RBP3: variants seen among roughly 807,000 people sequenced by gnomAD.
The protein encoded by RBP3 is retinol-binding protein 3.
Under a neutral mutation model 64.8 loss-of-function variants are expected in RBP3, and 50 were observed. The ratio of observed to expected loss-of-function variants is 0.77; its 90% confidence interval spans 0.61 to 0.98. The LOEUF is 0.98. Ranked by LOEUF, RBP3 falls within the 50% of genes least tolerant of loss-of-function variation. RBP3 has a pLI of 0.00. For synonymous variants in RBP3, 828 were observed against 730.2 expected (o/e 1.13, Z -2.16); for missense variants, 1,712 against 1,660.5 (o/e 1.03, Z -0.54).
rs782380036 is a variant in RBP3 at position 47,350,601 on chromosome 10, G to A, written c.2117G>A (p.Gly706Asp). Residue 706 changes from glycine (G) to aspartate (D), a missense_variant, in exon 1 of 4, where the codon GGC (glycine) becomes GAC (aspartate). Gly to Asp is a moderately conservative substitution (Grantham distance 94). Transcript: ENST00000584701. ...DHRLLVFHSP[G>D]ELVVEEAPPP... ...CGCTTGCTAGTGTTCCACAGCCCTGGCGAGCTGGTGGTAGAGGAAGCACCC... is the reference window on the plus strand; with the variant it reads ...CGCTTGCTAGTGTTCCACAGCCCTGACGAGCTGGTGGTAGAGGAAGCACCC... 6 of 1,612,872 alleles carry A rather than the reference G, an allele frequency of 3.7e-6. No individual in the cohort carries two copies. Among genetic ancestry groups the A allele is most frequent in the Non-Finnish European group, 5.1e-6 (6 of 1,180,048 alleles).
In RBP3 at chr10:47,350,140, C is replaced by A. The variant is rs1252102322; in HGVS notation, c.1656C>A (p.Phe552Leu). 6.2e-7 allele frequency: 1 copy of A among 1,612,932 alleles called. No homozygotes were observed. The highest frequency in any genetic ancestry group is 8.5e-7 in the Non-Finnish European group (1 of 1,180,008). The change falls in exon 1 of 4, where the codon TTC becomes TTA. Residue 552 changes from phenylalanine to leucine, a missense_variant. Coordinates refer to ENST00000584701, the MANE Select transcript of RBP3 (RefSeq NM_002900.3). ...GCACCGCCACGGCCGCGGAGGAGTTCGCCTTCCTTATGCAGTCGCTGGGCT... is the reference window on the plus strand; with the variant it reads ...GCACCGCCACGGCCGCGGAGGAGTTAGCCTTCCTTATGCAGTCGCTGGGCT... ...SHRTATAAEE[F>L]AFLMQSLGWA...
chr10:47,351,692 A>T (rs1555211617), intron 1 of RBP3, among the ~76,000 whole-genome samples, 154 bp downstream of exon 1: 1 of 152,168 alleles, frequency 6.6e-6, no homozygotes, highest in Non-Finnish European at 1.5e-5. Context: ...CCTCTTTCTC[A>T]ACCTGTTCCA....
At position 47,349,190 on chromosome 10, in the gene RBP3, A is replaced by G. The variant is rs782778044; in HGVS notation, c.706A>G (p.Arg236Gly). ...GGTGGTCCTCACCAGCAGCCAGACC[A>G]GGGGCGTGGCCGAGGACATCGCGCA... ...DVVVLTSSQT[R>G]GVAEDIAHIL... The change falls in exon 1 of 4, where the codon AGG becomes GGG. Residue 236 changes from arginine (R) to glycine (G), a missense_variant. Coordinates refer to ENST00000584701, the MANE Select transcript of RBP3 (RefSeq NM_002900.3). The G allele has an allele frequency of 6.2e-7, 1 of 1,613,704 alleles. No homozygotes were observed. The highest frequency in any genetic ancestry group is 8.5e-7 in the Non-Finnish European group (1 of 1,180,026).
In RBP3 at chr10:47,350,053, C is replaced by G. The variant is rs148093336; in HGVS notation, c.1569C>G (p.His523Gln). The change falls in exon 1 of 4, where the codon CAC becomes CAG. Residue 523 changes from histidine to glutamine, a missense_variant. By Grantham distance (24) the His-to-Gln change is conservative. Coordinates refer to ENST00000584701, the MANE Select transcript of RBP3 (RefSeq NM_002900.3). ...RTNITQEHFS[H>Q]MELPGPRYST... ...ACATCACGCAGGAGCACTTCAGCCA[C>G]ATGGAGCTCCCGGGCCCACGCTACA... is the stretch of plus-strand genomic sequence containing the variant. 2.6e-4 allele frequency: 419 copies of G among 1,613,060 alleles called. 1 individual carries two copies. In the African/African-American group the frequency reaches 5.0e-3, roughly 19 times the overall value.
rs146764267 is a variant in RBP3 at position 47,349,654 on chromosome 10, C to T, written c.1170C>T (p.Ile390=). The T allele has an allele frequency of 2.3e-5, 37 of 1,612,190 alleles. No homozygotes were observed. In the East Asian group the frequency reaches 4.9e-4, roughly 21 times the overall value. Residue 390 remains isoleucine, a synonymous_variant, in exon 1 of 4, where the codon ATC becomes ATT. Coordinates refer to ENST00000584701, the MANE Select transcript of RBP3 (RefSeq NM_002900.3). ...SEDPRLLVRA[I]GPTETPSWPA... ...ATCCCAGGCTCCTGGTGCGAGCCAT[C>T]GGGCCCACAGAAACTCCTTCTTGGC...
chr10:47,357,181 T>C lies in RBP3; in HGVS notation c.3468T>C (p.Tyr1156=), dbSNP rs1413435733. 3 of 1,613,814 alleles carry C rather than the reference T, an allele frequency of 1.9e-6. No homozygotes were observed. Among genetic ancestry groups the C allele is most frequent in the Non-Finnish European group, 2.5e-6 (3 of 1,180,036 alleles). Residue 1156 remains tyrosine (Y), a synonymous_variant, in exon 4 of 4, where the codon TAT becomes TAC. Coordinates refer to ENST00000584701, the MANE Select transcript of RBP3 (RefSeq NM_002900.3). The part of the protein sequence containing the change: ...VTAGTAEEFT[Y]IMKRLGRALV... ...CCGGCACCGCGGAGGAGTTCACCTA[T>C]ATCATGAAGAGGCTGGGCCGGGCCC... is the stretch of plus-strand genomic sequence containing the variant.
chr10:47,349,309 C>T lies in RBP3; in HGVS notation c.825C>T (p.Asp275=). 1 of 1,612,752 alleles carries T rather than the reference C, an allele frequency of 6.2e-7. No individual in the cohort carries two copies. The highest frequency in any genetic ancestry group is 8.5e-7 in the Non-Finnish European group (1 of 1,179,914). Residue 275 remains aspartate (D), a synonymous_variant, in exon 1 of 4, where the codon GAC becomes GAT. Transcript: ENST00000584701. ...DLRKLRIGES[D]FFFTVPVSRS... Reference sequence around the variant, plus strand: ...GGAAGCTGAGGATAGGCGAGTCTGACTTCTTCTTCACGGTGCCCGTGTCCA... The same window carrying T: ...GGAAGCTGAGGATAGGCGAGTCTGATTTCTTCTTCACGGTGCCCGTGTCCA...
At position 47,357,671 on chromosome 10, in the gene RBP3, G is replaced by A; in HGVS notation, c.*214G>A. Reference sequence around the variant, plus strand: ...ATGTATATATATGTATATATATATGGCTTTCCAATAACCACCTAAATTTTA... The same window carrying A: ...ATGTATATATATGTATATATATATGACTTTCCAATAACCACCTAAATTTTA... On this transcript the variant is annotated 3_prime_UTR_variant, in exon 4 of 4. Coordinates refer to ENST00000584701, the MANE Select transcript of RBP3 (RefSeq NM_002900.3). 1 of 441,828 alleles carries A rather than the reference G, an allele frequency of 2.3e-6. No homozygotes were observed. The highest frequency in any genetic ancestry group is 4.0e-6 in the Non-Finnish European group (1 of 251,300). 27.4% of individuals were successfully genotyped at this position (441,828 alleles called of 1,614,324 possible).
At chr10:47,354,088 C>T (rs558734598) in intron 2 of RBP3, among the ~76,000 whole-genome samples, 3 of 152,232 alleles carry the variant, frequency 2.0e-5, no homozygotes, top group South Asian at 2.1e-4. Context: ...CAAAAGAATT[C>T]TTTGCATCAC....
intron 1 of RBP3, 126 bp downstream of exon 1, chr10:47,351,664 T>C: frequency 8.0e-7 from 1 of 1,254,950 alleles, no homozygotes; most frequent in Non-Finnish European, 1.2e-6. Flanking sequence ...GTTTAAGTTT[T>C]GACCGGTCAA....
chr10:47,349,733 G>A lies in RBP3; in HGVS notation c.1249G>A (p.Glu417Lys). 1 of 1,612,504 alleles carries A rather than the reference G, an allele frequency of 6.2e-7. No homozygotes were observed. The highest frequency in any genetic ancestry group is 8.5e-7 in the Non-Finnish European group (1 of 1,180,016). ...DSPGVAPELP[E>K]DEAIRQALVD... ...ACCAGGGGTGGCCCCAGAGTTGCCT[G>A]AGGACGAGGCTATCCGGCAAGCACT... The change falls in exon 1 of 4, where the codon GAG becomes AAG. Residue 417 changes from glutamate (E) to lysine (K), a missense_variant. Physicochemically the swap from Glu to Lys is moderately conservative, Grantham distance 56. Transcript: ENST00000584701.
rs138046325 is a variant in RBP3 at position 47,357,196 on chromosome 10, G to C, written c.3483G>C (p.Leu1161=). The part of the protein sequence containing the change: ...AEEFTYIMKR[L]GRALVIGEVT... ...AGTTCACCTATATCATGAAGAGGCTGGGCCGGGCCCTGGTCATTGGGGAGG... is the reference window on the plus strand; with the variant it reads ...AGTTCACCTATATCATGAAGAGGCTCGGCCGGGCCCTGGTCATTGGGGAGG... Residue 1161 remains leucine (L), a synonymous_variant, in exon 4 of 4, where the codon CTG becomes CTC. Transcript: ENST00000584701. 2.1e-5 allele frequency: 34 copies of C among 1,613,898 alleles called. No homozygotes were observed. The African/African-American group carries it at 4.4e-4, about 21-fold the overall frequency.
Position 47,350,775 on chromosome 10 carries a change from T to C in RBP3, c.2291T>C (p.Leu764Pro). ...ACAGTGAAGGCCGTGGGGCCACAGC[T>C]GGTGCGGCTGGTATGGCAACAGCTG... ...LETVKAVGPQLVRLVWQQLVD... is the reference protein window; with the variant it reads ...LETVKAVGPQPVRLVWQQLVD... Residue 764 changes from leucine (L) to proline (P), a missense_variant, in exon 1 of 4, where the codon CTG becomes CCG. Leu to Pro is a moderately conservative substitution (Grantham distance 98). Transcript: ENST00000584701. 2 of 1,613,020 alleles carry C rather than the reference T, an allele frequency of 1.2e-6. No homozygotes were observed. Among genetic ancestry groups the C allele is most frequent in the Non-Finnish European group, 1.7e-6 (2 of 1,180,006 alleles).
chr10:47,348,886 G>C lies in RBP3; in HGVS notation c.402G>C (p.Arg134=). ...TGGAGGGTAATGTGGGCTACCTGCG[G>C]GTGGACAGCGTCCCGGGCCAGGAGG... is the stretch of plus-strand genomic sequence containing the variant. The part of the protein sequence containing the change: ...EVLEGNVGYL[R]VDSVPGQEVL... Residue 134 remains arginine, a synonymous_variant, in exon 1 of 4, where the codon CGG becomes CGC. Transcript: ENST00000584701. 3 of 1,613,806 alleles carry C rather than the reference G, an allele frequency of 1.9e-6. No homozygotes were observed. Among genetic ancestry groups the C allele is most frequent in the Non-Finnish European group, 2.5e-6 (3 of 1,180,000 alleles).
At chr10:47,356,991 G>A (rs1837054749) in intron 3 of RBP3, 111 bp from the exon 4 acceptor site, 2 of 952,864 alleles carry the variant, frequency 2.1e-6, no homozygotes, top group South Asian at 2.9e-5. Context: ...CAAGGACACA[G>A]ACCTAAACCC....
In RBP3 at chr10:47,357,666, A is replaced by G. The variant is rs1555212101; in HGVS notation, c.*209A>G. ...TGTGTATGTATATATATGTATATATATATGGCTTTCCAATAACCACCTAAA... is the reference window on the plus strand; with the variant it reads ...TGTGTATGTATATATATGTATATATGTATGGCTTTCCAATAACCACCTAAA... On this transcript the variant is annotated 3_prime_UTR_variant, in exon 4 of 4. Transcript: ENST00000584701. 4.4e-6 allele frequency: 2 copies of G among 452,728 alleles called. No homozygotes were observed. Among genetic ancestry groups the G allele is most frequent in the Non-Finnish European group, 7.8e-6 (2 of 257,884 alleles). 28.0% of individuals were successfully genotyped at this position (452,728 alleles called of 1,614,324 possible).
Position 47,351,384 on chromosome 10 carries a change from G to T in RBP3, c.2900G>T (p.Gly967Val), listed in dbSNP as rs141409712. 3.8e-5 allele frequency: 61 copies of T among 1,613,460 alleles called. No homozygotes were observed. The highest frequency in any genetic ancestry group is 3.3e-4 in the Middle Eastern group (2 of 6,084). ...LGAKMATKLS[G>V]LQSRYSRVTS... Reference sequence around the variant, plus strand: ...GCCAAGATGGCCACCAAACTGAGCGGTCTGCAGAGCCGCTACTCCAGGGTG... The same window carrying T: ...GCCAAGATGGCCACCAAACTGAGCGTTCTGCAGAGCCGCTACTCCAGGGTG... Residue 967 changes from glycine to valine, a missense_variant, in exon 1 of 4, where the codon GGT becomes GTT. Transcript: ENST00000584701.
chr10:47,355,340 T>G, intron 2 of RBP3, 36 bp from the exon 3 acceptor site: 1 of 1,612,532 alleles, frequency 6.2e-7, no homozygotes, highest in Non-Finnish European at 8.5e-7. Flanking sequence ...CACTGTGAGC[T>G]CAGCCCCTGA....
In RBP3 at chr10:47,350,033, A is replaced by T. The variant is rs782133131; in HGVS notation, c.1549A>T (p.Thr517Ser). Residue 517 changes from threonine (T) to serine (S), a missense_variant, in exon 1 of 4, where the codon ACG becomes TCG. Coordinates refer to ENST00000584701, the MANE Select transcript of RBP3 (RefSeq NM_002900.3). ...FTTYDRRTNI[T>S]QEHFSHMELP... ...CACCTATGATCGCCGCACCAACATC[A>T]CGCAGGAGCACTTCAGCCACATGGA... is the stretch of plus-strand genomic sequence containing the variant. 1 of 1,612,846 alleles carries T rather than the reference A, an allele frequency of 6.2e-7. No homozygotes were observed. Among genetic ancestry groups the T allele is most frequent in the Non-Finnish European group, 8.5e-7 (1 of 1,179,934 alleles).
Sources: allele counts gnomAD v4.1 joint callset (sites outside exome capture counted in the v4.1 genomes callset), GRCh38; gene constraint gnomAD v4.1.1; transcripts MANE v1.5; gene names NCBI Gene and HGNC (gene_info 2026-07-23, HGNC 2026-07-21).